SGSM2: variants seen among roughly 807,000 people sequenced by gnomAD.
The protein encoded by SGSM2 is RUN and TBC1 domain containing 1.
Under a neutral mutation model 126.6 loss-of-function variants are expected in SGSM2, and 89 were observed. The ratio of observed to expected loss-of-function variants is 0.70; its 90% CI spans 0.59 to 0.84. SGSM2 has a LOEUF of 0.84. SGSM2 is among the 40% of genes least tolerant of loss of function. The pLI, the probability that SGSM2 is intolerant of heterozygous loss-of-function variation, is 0.00. For synonymous variants in SGSM2, 614 were observed against 574.3 expected, an observed-to-expected ratio of 1.07 and a Z score of -0.99; for missense variants, 1,404 against 1,416.6, an observed-to-expected ratio of 0.99 and a Z score of 0.14.
chr17:2,369,726 T>C (rs2065774137), intron 12 of SGSM2, among the ~76,000 whole-genome samples: 1 of 148,628 alleles, frequency 6.7e-6, no homozygotes, highest in South Asian at 2.1e-4. Context: ...GCCTGTTGCC[T>C]GCTGCCTGCC....
In SGSM2 at chr17:2,340,864, G is replaced by C. The variant is rs558966137; in HGVS notation, c.58-2681G>C. Among the ~76,000 whole-genome samples, 5 of 152,180 alleles carry C rather than the reference G, an allele frequency of 3.3e-5. No homozygotes were observed. In the East Asian group the frequency reaches 9.6e-4, roughly 29 times the overall value. ...CTCCCAAAGTGCTGGGATTATAGTCGTGAGCCACCACGCCTGGCCCAGTGT... is the reference window on the plus strand; with the variant it reads ...CTCCCAAAGTGCTGGGATTATAGTCCTGAGCCACCACGCCTGGCCCAGTGT... On this transcript the variant is annotated intron_variant, in intron 1 of 23. Transcript: ENST00000268989.
chr17:2,337,703 G>C lies in SGSM2; in HGVS notation c.15G>C (p.Glu5Asp), dbSNP rs770850796. 6 of 1,536,340 alleles carry C rather than the reference G, an allele frequency of 3.9e-6. No individual in the cohort carries two copies. In the Admixed American group the frequency reaches 1.1e-4, roughly 29 times the overall value. ...CCTGCCACACCATGGGCAGCGCAGA[G>C]GACGCAGTCAAAGAGAAACTGCTGT... MGSA[E>D]DAVKEKLLWN... Residue 5 changes from glutamate (E) to aspartate (D), a missense_variant, in exon 1 of 24, where the codon GAG becomes GAC. Coordinates refer to ENST00000268989, the MANE Select transcript of SGSM2 (RefSeq NM_014853.3). This position sits in a 1 kb window ranked among gnomAD's most constrained non-coding sequence, Gnocchi z 5.1.
rs745400 is a variant in SGSM2 at position 2,363,505 on chromosome 17, G to C, written c.713G>C (p.Arg238Thr). The C allele has an allele frequency of 1.2e-6, 2 of 1,613,080 alleles. No homozygotes were observed. Among genetic ancestry groups the C allele is most frequent in the Admixed American group, 3.3e-5 (2 of 59,974 alleles). ...TCAAGCGGCAGCGCGTCGGAGGACA[G>C]GCTGGCTGCCTGTGCCCGCGAGTGT... ...RHSSGSASED[R>T]LAACARECVE... Residue 238 changes from arginine (R) to threonine (T), a missense_variant, in exon 7 of 24, where the codon AGG (arginine) becomes ACG (threonine). Transcript: ENST00000268989. This position sits in a 1 kb window ranked among gnomAD's most constrained non-coding sequence, Gnocchi z 4.2.
rs780116933 is a variant in SGSM2 at position 2,377,951 on chromosome 17, G to C, written c.2897G>C (p.Arg966Thr). The C allele has an allele frequency of 3.7e-6, 6 of 1,602,296 alleles. No individual in the cohort carries two copies. In the Admixed American group the frequency reaches 6.7e-5, roughly 18 times the overall value. The part of the protein sequence containing the change: ...CYRWFLLDFK[R>T]ELLYEDVFAV... ...CGCTGGTTCCTGCTGGATTTTAAGA[G>C]AGGTAAGAAGTGGGTTGGATCATGG... Residue 966 changes from arginine to threonine, a missense_variant and splice_region_variant, in exon 22 of 24, where the codon AGA becomes ACA. By Grantham distance (71) the Arg-to-Thr change is moderately conservative. Coordinates refer to ENST00000268989, the MANE Select transcript of SGSM2 (RefSeq NM_014853.3).
intron 2 of SGSM2, among the ~76,000 whole-genome samples, chr17:2,351,435 G>T (rs2064848903): frequency 6.6e-6 from 1 of 152,128 alleles, no homozygotes; most frequent in Non-Finnish European, 1.5e-5. Flanking sequence ...TGGGCTTATG[G>T]TGTCCAGAGA....
intron 2 of SGSM2, among the ~76,000 whole-genome samples, chr17:2,360,880 C>T (rs1257815750): frequency 6.6e-6 from 1 of 152,200 alleles, no homozygotes; most frequent in Admixed American, 6.5e-5. Context: ...GAGTTTCTTC[C>T]CCTCTTTGGG....
chr17:2,360,292 A>T (rs992582457), intron 2 of SGSM2, among the ~76,000 whole-genome samples: 4 of 152,146 alleles, frequency 2.6e-5, no homozygotes, highest in Non-Finnish European at 4.4e-5. Context: ...AGCTGCTGTG[A>T]GCTGAGATTC....
intron 2 of SGSM2, among the ~76,000 whole-genome samples, chr17:2,354,575 C>T (rs1208849070): frequency 6.6e-6 from 1 of 152,198 alleles, no homozygotes; most frequent in African/African-American, 2.4e-5. Context: ...GGATGACTTC[C>T]AGTCTTTTGC....
Position 2,372,938 on chromosome 17 carries a change from C to G in SGSM2, c.1789-15C>G. On this transcript the variant is annotated splice_polypyrimidine_tract_variant and intron_variant, in intron 15 of 23. Transcript: ENST00000268989. The surrounding 1 kb of genome is among the most constrained non-coding windows in gnomAD (Gnocchi z 6.0). The stretch of plus-strand genomic sequence containing the variant: ...CTGTGGAGGCTGCACAGTCTTGACT[C>G]CCCGGGTCCCTCAGAACTACAAAGA... The G allele has an allele frequency of 6.4e-7, 1 of 1,555,378 alleles. No individual in the cohort carries two copies. The highest frequency in any genetic ancestry group is 8.7e-7 in the Non-Finnish European group (1 of 1,149,118).
rs1597405073 is a variant in SGSM2 at position 2,379,909 on chromosome 17, T to G, written c.*389T>G. On this transcript the variant is annotated 3_prime_UTR_variant, in exon 24 of 24. Coordinates refer to ENST00000268989, the MANE Select transcript of SGSM2 (RefSeq NM_014853.3). ...CGGCCTGGGCCCTACTCAGCTGGGG[T>G]GGCAGAGGGCGAGAGGCTCTGTGCT... The G allele has an allele frequency of 1.5e-6, 2 of 1,294,620 alleles. No individual in the cohort carries two copies. Among genetic ancestry groups the G allele is most frequent in the Non-Finnish European group, 2.0e-6 (2 of 1,016,300 alleles). 80.2% of individuals were successfully genotyped at this position (1,294,620 alleles called of 1,614,324 possible). A position where few individuals can be genotyped will look rare whatever the true frequency, so the allele number is the denominator to read the frequency against.
At chr17:2,371,941 A>AAC in intron 13 of SGSM2, 1 of 537,786 alleles carries the variant, frequency 1.9e-6, no homozygotes, top group South Asian at 2.4e-5. Context: ...GGAAACGAAG[A>AAC]TTCATGTAGG....
rs141231084 is a variant in SGSM2 at position 2,363,598 on chromosome 17, C to T, written c.806C>T (p.Pro269Leu). 558 of 1,612,572 alleles carry T rather than the reference C, an allele frequency of 3.5e-4. 1 individual carries two copies. The highest frequency in any genetic ancestry group is 4.4e-4 in the Non-Finnish European group (513 of 1,179,288). ...LYGKNHVLVQ[P>L]KEDMEAVPGY... is the part of the protein sequence containing the mutation. Reference sequence around the variant, plus strand: ...GGCAAGAACCACGTGCTGGTGCAGCCGGTAGGAAAGCTTCATCCTGCCATC... The same window carrying T: ...GGCAAGAACCACGTGCTGGTGCAGCTGGTAGGAAAGCTTCATCCTGCCATC... Residue 269 changes from proline (P) to leucine (L), a missense_variant and splice_region_variant, in exon 7 of 24, where the codon CCG becomes CTG. Pro to Leu is a moderately conservative substitution (Grantham distance 98). Transcript: ENST00000268989. The surrounding 1 kb of genome is among the most constrained non-coding windows in gnomAD (Gnocchi z 4.2).
chr17:2,358,014 C>G (rs963187982), intron 2 of SGSM2, among the ~76,000 whole-genome samples: 4 of 152,214 alleles, frequency 2.6e-5, no homozygotes, highest in African/African-American at 9.6e-5. Context: ...CAGGTGGGAG[C>G]CCAGGGCCCA....
intron 12 of SGSM2, 44 bp from the exon 13 acceptor site, chr17:2,371,218 G>T: frequency 6.3e-7 from 1 of 1,583,110 alleles, no homozygotes; most frequent in African/African-American, 1.3e-5. Flanking sequence ...GCCTGGGAGA[G>T]AAGGTGTCTC....
In SGSM2 at chr17:2,362,139, G is replaced by A; in HGVS notation, c.327G>A (p.Leu109=). ...CCTCAGGGGTCAGCCAGGAGGCCCT[G>A]CGGAGACAGGGCTCAGCCAGCGGGA... ...RKPSGVSQEA[L]RRQGSASGKA... The change falls in exon 4 of 24, where the codon CTG becomes CTA. Residue 109 remains leucine (L), a synonymous_variant. Transcript: ENST00000268989. The surrounding 1 kb of genome is among the most constrained non-coding windows in gnomAD (Gnocchi z 4.9). 6.2e-7 allele frequency: 1 copy of A among 1,613,588 alleles called. No homozygotes were observed. Among genetic ancestry groups the A allele is most frequent in the Non-Finnish European group, 8.5e-7 (1 of 1,179,912 alleles).
intron 1 of SGSM2, among the ~76,000 whole-genome samples, chr17:2,338,696 C>T (rs1444016290): frequency 6.6e-6 from 1 of 151,004 alleles, no homozygotes; most frequent in African/African-American, 2.4e-5. Context: ...ACTTCGAGGC[C>T]TGGTGTTTGG....
chr17:2,371,433 G>C lies in SGSM2; in HGVS notation c.1577+18G>C, dbSNP rs758638046. On this transcript the variant is annotated intron_variant, in intron 13 of 23. Transcript: ENST00000268989. ...CCCGACCGGTGAGTGGGCAGCGCTCGGCCCCAGCTTCCCGTTAGCGTGTCC... is the reference window on the plus strand; with the variant it reads ...CCCGACCGGTGAGTGGGCAGCGCTCCGCCCCAGCTTCCCGTTAGCGTGTCC... 14 of 1,574,272 alleles carry C rather than the reference G, an allele frequency of 8.9e-6. No individual in the cohort carries two copies. The highest frequency in any genetic ancestry group is 1.1e-5 in the Non-Finnish European group (13 of 1,159,418).
intron 11 of SGSM2, among the ~76,000 whole-genome samples, chr17:2,366,148 C>G (rs2065571492): frequency 6.6e-6 from 1 of 152,196 alleles, no homozygotes; most frequent in Non-Finnish European, 1.5e-5. Flanking sequence ...CAGGTTGCAT[C>G]AGAGGCAGAC....
In SGSM2 at chr17:2,363,111, C is replaced by T. The variant is rs771653089; in HGVS notation, c.649C>T (p.Pro217Ser). The T allele has an allele frequency of 1.4e-5, 22 of 1,609,164 alleles. No homozygotes were observed. Among genetic ancestry groups the T allele is most frequent in the Non-Finnish European group, 1.8e-5 (21 of 1,178,436 alleles). ...IRGPPTRQDS[P>S]AKRPALGIRK... ...GGGTCCACCTACTCGCCAGGACTCC[C>T]CTGCAAAGCGCCCAGCCCTGGGGGT... The change falls in exon 6 of 24, where the codon CCT becomes TCT. Residue 217 changes from proline to serine, a missense_variant. Coordinates refer to ENST00000268989, the MANE Select transcript of SGSM2 (RefSeq NM_014853.3). This position sits in a 1 kb window ranked among gnomAD's most constrained non-coding sequence, Gnocchi z 4.2.
Sources: gnomAD v4.1 joint callset for allele counts (sites outside exome capture counted in the v4.1 genomes callset) on GRCh38, gnomAD v4.1.1 for gene constraint, Gnocchi (gnomAD v3.1) non-coding constraint, MANE v1.5 for transcripts, NCBI Gene and HGNC (gene_info 2026-07-23, HGNC 2026-07-21) for gene names.